Variants in BRD1 observed in about 807,000 individuals in gnomAD.
The protein encoded by BRD1 is bromodomain-containing protein 1.
Under a neutral mutation model 107.7 loss-of-function variants are expected in BRD1, and 24 were observed. The ratio of observed to expected loss-of-function variants is 0.22; its 90% confidence interval spans 0.16 to 0.31. BRD1 has a LOEUF of 0.31. Ranked by LOEUF, BRD1 falls within the 10% of genes least tolerant of loss-of-function variation. The pLI, the probability that BRD1 is intolerant of heterozygous loss-of-function variation, is 1.00. For missense variants in BRD1, 1,279 were observed against 1,638.6 expected, an observed-to-expected ratio of 0.78 and a Z score of 3.79; for synonymous variants, 744 against 686.1, an observed-to-expected ratio of 1.08 and a Z score of -1.32.
chr22:49,777,289 G>A (rs4469), intron 9 of BRD1, 128 bp from the exon 10 acceptor site: 362,303 of 1,425,638 alleles, frequency 0.25, 54,835 homozygotes, highest in African/African-American at 0.66. Flanking sequence ...GCGGCCAGAC[G>A]GGCCTGTGGG....
chr22:49,814,933 C>T (rs2059921541), intron 2 of BRD1, among the ~76,000 whole-genome samples: 2 of 152,180 alleles, frequency 1.3e-5, no homozygotes, highest in African/African-American at 4.8e-5. Context: ...CTTCTACATG[C>T]CTGGGGTGCT....
At chr22:49,785,200 G>A (rs192768161) in intron 8 of BRD1, among the ~76,000 whole-genome samples, 133 of 152,372 alleles carry the variant, frequency 8.7e-4, no homozygotes, top group Non-Finnish European at 1.6e-3. Context: ...GCCGCCAGCC[G>A]GCAAAACTGT....
At chr22:49,777,625 G>C (rs1208011884) in intron 9 of BRD1, 53 bp downstream of exon 9, 1 of 1,576,954 alleles carries the variant, frequency 6.3e-7, no homozygotes, top group African/African-American at 1.3e-5. Context: ...AGCCAGGCGG[G>C]GCGGGCGGTG....
intron 3 of BRD1, among the ~76,000 whole-genome samples, chr22:49,799,543 G>T (rs769962005): frequency 2.0e-4 from 30 of 152,218 alleles, no homozygotes; most frequent in Non-Finnish European, 4.4e-4. Flanking sequence ...AAGAAACCAG[G>T]TGCACAGAAA....
intron 8 of BRD1, 26 bp from the exon 9 acceptor site, chr22:49,777,839 A>G (rs779471824): frequency 4.7e-5 from 75 of 1,580,072 alleles, no homozygotes; most frequent in Non-Finnish European, 8.6e-6. Context: ...GCAGGCCCTG[A>G]GCTCAGCACA....
intron 8 of BRD1, among the ~76,000 whole-genome samples, chr22:49,787,045 T>C (rs2059338920): frequency 6.6e-6 from 1 of 151,850 alleles, no homozygotes; most frequent in Admixed American, 6.6e-5. Context: ...AGTGAGCCAC[T>C]CACTCCAGCC....
intron 8 of BRD1, among the ~76,000 whole-genome samples, chr22:49,786,162 C>G (rs2059319995): frequency 6.7e-6 from 1 of 148,418 alleles, no homozygotes; most frequent in African/African-American, 2.5e-5. Flanking sequence ...CTAGGTATAA[C>G]AGGCAGACAG....
intron 2 of BRD1, among the ~76,000 whole-genome samples, chr22:49,819,525 T>C (rs1286850976): frequency 6.6e-6 from 1 of 152,094 alleles, no homozygotes; most frequent in Admixed American, 6.5e-5. Context: ...TGCACCCGTC[T>C]GAGCAGAAGA....
chr22:49,796,806 C>T (rs1301004342), intron 6 of BRD1, among the ~76,000 whole-genome samples: 1 of 152,264 alleles, frequency 6.6e-6, no homozygotes. Flanking sequence ...TGGTTGAATC[C>T]CATGATGGCG....
At chr22:49,776,293 G>A (rs758892851) in intron 10 of BRD1, 134 bp from the exon 11 acceptor site, 66 of 733,960 alleles carry the variant, frequency 9.0e-5, no homozygotes, top group African/African-American at 3.1e-4. Flanking sequence ...CAGCCACCCC[G>A]GCAGCACCAC....
intron 6 of BRD1, among the ~76,000 whole-genome samples, chr22:49,796,143 T>C (rs1279263479): frequency 6.6e-6 from 1 of 151,000 alleles, no homozygotes; most frequent in Non-Finnish European, 1.5e-5. Flanking sequence ...CAGGCTGGAG[T>C]GTAGTGGCGT....
At position 49,824,297 on chromosome 22, in the gene BRD1, A is replaced by G. The variant is rs1327526766; in HGVS notation, c.21T>C (p.Cys7=). The G allele has an allele frequency of 6.2e-7, 1 of 1,613,408 alleles. No homozygotes were observed. The highest frequency in any genetic ancestry group is 8.5e-7 in the Non-Finnish European group (1 of 1,179,540). Residue 7 remains cysteine, a synonymous_variant, in exon 2 of 13, where the codon TGT becomes TGC. Transcript: ENST00000404760. This position sits in a 1 kb window ranked among gnomAD's most constrained non-coding sequence, Gnocchi z 5.9. ...GATGCCTCGCTGCAGAGCCTCGATG[A>G]CATCGTCCTTTCCTCCTCATTTGGT... MRRKGR[C]HRGSAARHPS...
chr22:49,780,629 G>A (rs2059188962), intron 8 of BRD1, among the ~76,000 whole-genome samples: 1 of 152,220 alleles, frequency 6.6e-6, no homozygotes, highest in Non-Finnish European at 1.5e-5. Flanking sequence ...CGGGGGAGCT[G>A]CAAGGTGGCC....
intron 8 of BRD1, among the ~76,000 whole-genome samples, chr22:49,778,572 C>A (rs993709691): frequency 6.6e-6 from 1 of 152,082 alleles, no homozygotes; most frequent in Non-Finnish European, 1.5e-5. Flanking sequence ...CTGCCCAAGG[C>A]CCCCCGATGA....
At chr22:49,788,417 G>GA (rs1243474906) in intron 7 of BRD1, among the ~76,000 whole-genome samples, 1 of 152,016 alleles carries the variant, frequency 6.6e-6, no homozygotes, top group Admixed American at 6.6e-5. Context: ...TGATTTTCAA[G>GA]AAAGGCAGGG....
chr22:49,824,944 C>T lies in BRD1; in HGVS notation c.-14-613G>A, dbSNP rs73439791. 4.9e-6 allele frequency: 2 copies of T among 407,558 alleles called. No individual in the cohort carries two copies. Among genetic ancestry groups the T allele is most frequent in the South Asian group, 1.9e-4 (2 of 10,712 alleles). 25.2% of individuals were successfully genotyped at this position (407,558 alleles called of 1,614,324 possible). On this transcript the variant is annotated intron_variant, in intron 1 of 12. Transcript: ENST00000404760. This position sits in a 1 kb window ranked among gnomAD's most constrained non-coding sequence, Gnocchi z 5.9. ...TCACAGCCTGTCCATCCTCTATAGA[C>T]AGGCCCTCCACACGCACAACACGGC... is the stretch of plus-strand genomic sequence containing the variant.
chr22:49,775,816 C>CCCCCCA, intron 11 of BRD1, 71 bp from the exon 12 acceptor site: 1 of 755,326 alleles, frequency 1.3e-6, no homozygotes, highest in Non-Finnish European at 1.7e-6. Context: ...GTCACTGGCA[C>CCCCCCA]CCCCCCCCGC....
intron 8 of BRD1, among the ~76,000 whole-genome samples, chr22:49,787,065 A>G (rs889314815): frequency 6.6e-6 from 1 of 151,992 alleles, no homozygotes; most frequent in African/African-American, 2.4e-5. Flanking sequence ...CTGGGTGACA[A>G]AGCAAGACTC....
At chr22:49,801,789 G>A (rs975494308) in intron 3 of BRD1, among the ~76,000 whole-genome samples, 41 of 152,330 alleles carry the variant, frequency 2.7e-4, no homozygotes, top group South Asian at 6.2e-4. Flanking sequence ...AGGTTCCAGC[G>A]GGTCACCTCT....
Sources: gnomAD v4.1 joint callset for allele counts (sites outside exome capture counted in the v4.1 genomes callset) on GRCh38, gnomAD v4.1.1 for gene constraint, Gnocchi (gnomAD v3.1) non-coding constraint, MANE v1.5 for transcripts, NCBI Gene and HGNC (gene_info 2026-07-23, HGNC 2026-07-21) for gene names.